The following IRGM variants were observed in gnomAD, a reference collection of about 807,000 sequenced individuals.
The protein encoded by IRGM is immunity related GTPase M.
For synonymous variants in IRGM, 98 were observed against 80.6 expected, an observed-to-expected ratio of 1.22 and a Z score of -1.16; for missense variants, 288 against 219.9, an observed-to-expected ratio of 1.31 and a Z score of -1.96.
downstream of IRGM, among the ~76,000 whole-genome samples, chr5:150,851,699 A>G (rs973469917): frequency 6.6e-6 from 1 of 152,270 alleles, no homozygotes; most frequent in Non-Finnish European, 1.5e-5. Context: ...AAGGGAAAGA[A>G]CTAGCAACAG....
Position 150,895,232 on chromosome 5 carries a change from A to G in IRGM, c.*141-5357A>G, listed in dbSNP as rs577247177. On this transcript the variant is annotated intron_variant and NMD_transcript_variant, in intron 3 of 3. Coordinates refer to the IRGM transcript ENST00000520549. The stretch of plus-strand genomic sequence containing the variant: ...CTTTAAAAGCTTTACATGCCATATT[A>G]AAAATGTTCTTCATTTATATAACTA... The G allele has an allele frequency of 3.6e-5, 18 of 500,542 alleles. No homozygotes were observed. The South Asian group carries it at 6.5e-4, about 18-fold the overall frequency. 31.0% of individuals were successfully genotyped at this position (500,542 alleles called of 1,614,324 possible). A position where few individuals can be genotyped will look rare whatever the true frequency, so the allele number is the denominator to read the frequency against.
chr5:150,898,119 T>C, intron 3 of IRGM: 1 of 1,613,692 alleles, frequency 6.2e-7, no homozygotes. Context: ...ATGTCTCCCT[T>C]TATGATCCAT....
rs150297850 is a variant in IRGM, at chr5:150,884,863, G to T, written c.*140+5217G>T. On this transcript the variant is annotated intron_variant and NMD_transcript_variant, in intron 3 of 3. Transcript: ENST00000520549. ...TGCAAATATTTTCTCCACCCTGTAG[G>T]TTATCTATTTACTCTGTTGATGGTT... Among the ~76,000 whole-genome samples the T allele has an allele frequency of 4.4e-3, 665 of 152,134 alleles. 2 individuals are homozygous for T. Among genetic ancestry groups the T allele is most frequent in the Non-Finnish European group, 7.4e-3 (502 of 67,962 alleles).
intron 1 of IRGM, among the ~76,000 whole-genome samples, chr5:150,854,594 C>G (rs1396455939): frequency 1.3e-5 from 2 of 152,126 alleles, no homozygotes; most frequent in Non-Finnish European, 2.9e-5. Flanking sequence ...TCTCAGTTGA[C>G]AAGTATTTTT....
chr5:150,881,283 G>T (rs1434968952), intron 3 of IRGM, among the ~76,000 whole-genome samples: 1 of 152,104 alleles, frequency 6.6e-6, no homozygotes, highest in Non-Finnish European at 1.5e-5. Context: ...GCATATAACA[G>T]ATAAGGAGTT....
chr5:150,901,662 CACTT>C (rs1265118603), downstream of IRGM, among the ~76,000 whole-genome samples: 1 of 152,074 alleles, frequency 6.6e-6, no homozygotes, highest in African/African-American at 2.4e-5. Context: ...TAACAGCTGA[CACTT>C]AAATATATCA....
At chr5:150,851,686 C>CA (rs1171994845), downstream of IRGM, among the ~76,000 whole-genome samples, 7 of 152,196 alleles carry the variant, frequency 4.6e-5, no homozygotes, top group African/African-American at 1.7e-4. Flanking sequence ...CGTGTCTTCA[C>CA]AAAAGGGAAA....
chr5:150,871,184 G>A (rs868122974), intron 1 of IRGM, among the ~76,000 whole-genome samples: 3 of 152,148 alleles, frequency 2.0e-5, no homozygotes, highest in African/African-American at 7.2e-5. Context: ...CACCATGACA[G>A]CCTGGATTTT....
At chr5:150,851,292 G>C (rs886209552), downstream of IRGM, among the ~76,000 whole-genome samples, 1 of 152,140 alleles carries the variant, frequency 6.6e-6, no homozygotes, top group Non-Finnish European at 1.5e-5. Context: ...AATGCTGTAG[G>C]GTGTTGCATG....
At chr5:150,900,635 A>AGCTG (rs1754962378) in exon 4 of IRGM, 7 of 152,216 alleles carry the variant, frequency 4.6e-5, no homozygotes, top group Admixed American at 2.6e-4. Flanking sequence ...GATATTCAAC[A>AGCTG]GCTAGCCAGT....
intron 1 of IRGM, among the ~76,000 whole-genome samples, chr5:150,860,945 T>C (rs1754127769): frequency 6.6e-6 from 1 of 152,242 alleles, no homozygotes; most frequent in African/African-American, 2.4e-5. Flanking sequence ...TGTCTTATCA[T>C]GTGCACTCTA....
At chr5:150,868,701 TA>T (rs1462808437) in intron 1 of IRGM, among the ~76,000 whole-genome samples, 1 of 152,106 alleles carries the variant, frequency 6.6e-6, no homozygotes, top group Non-Finnish European at 1.5e-5. Flanking sequence ...CTTGGTTAGG[TA>T]TATTCCTAAG....
At chr5:150,859,109 C>G (rs1754099503) in intron 1 of IRGM, among the ~76,000 whole-genome samples, 1 of 152,110 alleles carries the variant, frequency 6.6e-6, no homozygotes, top group Non-Finnish European at 1.5e-5. Context: ...CCATCAATAC[C>G]TAATTTATTG....
downstream of IRGM, among the ~76,000 whole-genome samples, chr5:150,848,983 G>T (rs1753932031): frequency 2.6e-5 from 4 of 151,968 alleles, no homozygotes; most frequent in Admixed American, 2.6e-4. Flanking sequence ...TCATAATGAG[G>T]GTATTTTCAA....
intron 3 of IRGM, among the ~76,000 whole-genome samples, chr5:150,892,295 G>A (rs777792751): frequency 7.1e-6 from 1 of 140,566 alleles, no homozygotes; most frequent in Non-Finnish European, 1.5e-5. Flanking sequence ...TTCAGAAAAC[G>A]GTGTGGAAGA....
chr5:150,867,898 G>T (rs988962333), intron 1 of IRGM, among the ~76,000 whole-genome samples: 6 of 151,258 alleles, frequency 4.0e-5, no homozygotes, highest in Non-Finnish European at 7.4e-5. Context: ...TCTGTTGAAT[G>T]CATAGTTTGC....
chr5:150,887,563 A>T lies in IRGM; in HGVS notation c.*140+7917A>T, dbSNP rs112842691. 9.4e-3 allele frequency among the ~76,000 whole-genome samples: 1,427 copies of T among 151,856 alleles called. 17 individuals carry two copies. Among genetic ancestry groups the T allele is most frequent in the African/African-American group, 0.033 (1,355 of 41,454 alleles). On this transcript the variant is annotated intron_variant and NMD_transcript_variant, in intron 3 of 3. Transcript: ENST00000520549. ...CCCCAACCTTGCTAGTGAGGCCAAC[A>T]ATTAAATTCAGGAACTACAGAGAAC...
At chr5:150,884,508 A>G (rs1431038146) in intron 3 of IRGM, among the ~76,000 whole-genome samples, 2 of 152,152 alleles carry the variant, frequency 1.3e-5, no homozygotes, top group Admixed American at 1.3e-4. Context: ...TGCTTTCCAC[A>G]ATAGTTGAAC....
At chr5:150,895,367 G>A in intron 3 of IRGM, 2 of 1,315,866 alleles carry the variant, frequency 1.5e-6, no homozygotes, top group East Asian at 2.4e-5. Flanking sequence ...AATTAATTGG[G>A]TTTCTAGTAA....
Sources: gnomAD v4.1 joint callset for allele counts (sites outside exome capture counted in the v4.1 genomes callset) on GRCh38, gnomAD v4.1.1 for gene constraint, MANE v1.5 for transcripts, NCBI Gene and HGNC (gene_info 2026-07-23, HGNC 2026-07-21) for gene names.